OSBPL9: variants seen among roughly 807,000 people sequenced by gnomAD.
OSBPL9 encodes the protein oxysterol-binding protein-related protein 9.
A neutral mutation model predicts 106.6 loss-of-function variants in OSBPL9; 40 were observed. The observed-to-expected ratio is 0.38, with a 90% CI of 0.29 to 0.49. The LOEUF (loss-of-function observed/expected upper bound fraction) is 0.49. OSBPL9 is among the 20% of genes least tolerant of loss of function. OSBPL9 has a pLI of 0.97. For missense variants in OSBPL9, 609 were observed against 887.2 expected, an observed-to-expected ratio of 0.69 and a Z score of 3.98; for synonymous variants, 269 against 295.4, an observed-to-expected ratio of 0.91 and a Z score of 0.92.
intron 10 of OSBPL9, among the ~76,000 whole-genome samples, chr1:51,761,488 G>C (rs918406574): frequency 6.6e-6 from 1 of 152,138 alleles, no homozygotes; most frequent in Non-Finnish European, 1.5e-5. Context: ...TACTTCTTAA[G>C]TGAATTAGCT....
the OSBPL9 span, among the ~76,000 whole-genome samples, chr1:51,541,951 G>A: frequency 6.6e-6 from 1 of 151,878 alleles, no homozygotes; most frequent in South Asian, 2.1e-4. Context: ...GCAGTGGCAC[G>A]ATCTTAGGTC....
chr1:51,601,591 C>A (rs570899325), intron 2 of OSBPL9, among the ~76,000 whole-genome samples: 2 of 152,304 alleles, frequency 1.3e-5, no homozygotes, highest in South Asian at 4.1e-4. Context: ...ATATTCTTCC[C>A]CTCTTCATTC....
chr1:51,603,062 G>C (rs1042988059), intron 2 of OSBPL9, among the ~76,000 whole-genome samples: 1 of 152,098 alleles, frequency 6.6e-6, no homozygotes, highest in Admixed American at 6.6e-5. Context: ...GGTTGAAGTG[G>C]GAGAATCACT....
At chr1:51,783,106 T>G (rs1307453434) in intron 17 of OSBPL9, among the ~76,000 whole-genome samples, 1 of 152,206 alleles carries the variant, frequency 6.6e-6, no homozygotes, top group East Asian at 1.9e-4. Context: ...CTAGATTACT[T>G]ATAATACCTA....
the OSBPL9 span, chr1:51,519,163 G>T: frequency 7.0e-7 from 1 of 1,419,830 alleles, no homozygotes; most frequent in Non-Finnish European, 9.3e-7. Flanking sequence ...GGGGGCACCG[G>T]CCGGCCAAGC....
chr1:51,782,183 A>C (rs1349043016), intron 16 of OSBPL9, among the ~76,000 whole-genome samples: 4 of 152,218 alleles, frequency 2.6e-5, no homozygotes. Context: ...ACCATAGCCC[A>C]CAGCACCTGA....
At chr1:51,720,803 T>A (rs1661975683) in intron 4 of OSBPL9, among the ~76,000 whole-genome samples, 1 of 147,888 alleles carries the variant, frequency 6.8e-6, no homozygotes, top group Non-Finnish European at 1.5e-5. Flanking sequence ...TTTTTTTTTT[T>A]TTTTTTTTTT....
chr1:51,710,362 A>G (rs946501246), intron 3 of OSBPL9, among the ~76,000 whole-genome samples: 44 of 152,206 alleles, frequency 2.9e-4, no homozygotes, highest in African/African-American at 1.0e-3. Flanking sequence ...GCTGCAAAAC[A>G]ATAAAAACAG....
intron 1 of OSBPL9, among the ~76,000 whole-genome samples, chr1:51,639,530 G>C (rs1438305531): frequency 1.3e-5 from 2 of 152,182 alleles, no homozygotes; most frequent in Admixed American, 6.5e-5. Flanking sequence ...TTGGGGTGGT[G>C]GGGACAAGGA....
chr1:51,658,858 T>G (rs1264959961), intron 2 of OSBPL9, among the ~76,000 whole-genome samples: 1 of 152,154 alleles, frequency 6.6e-6, no homozygotes, highest in Admixed American at 6.6e-5. Context: ...ATCAATTGTC[T>G]TGTTATTTCA....
the OSBPL9 span, among the ~76,000 whole-genome samples, chr1:51,564,398 C>A: frequency 6.6e-6 from 1 of 152,168 alleles, no homozygotes; most frequent in African/African-American, 2.4e-5. Flanking sequence ...GGTCCCTCTT[C>A]TTGAAGGCCT....
At chr1:51,669,728 A>C (rs140712209) in intron 3 of OSBPL9, 2 of 653,366 alleles carry the variant, frequency 3.1e-6, no homozygotes, top group East Asian at 6.0e-5. Context: ...ATCTGGCTGC[A>C]GTTGGAGATG....
intron 20 of OSBPL9, chr1:51,785,492 G>T: frequency 3.5e-6 from 1 of 285,606 alleles, no homozygotes; most frequent in Non-Finnish European, 6.5e-6. Flanking sequence ...AATTTCAATG[G>T]TGGTTACGTC....
rs1191259573 is a variant in OSBPL9 at position 51,788,405 on chromosome 1, T to TTTAA, written c.*624_*627dup. ...AATTGTATCTAATCCTGGATTACAG[T>TTTAA]TTAATTAATTATTCTTAGTGCTTAA... On this transcript the variant is annotated 3_prime_UTR_variant, in exon 24 of 24. Coordinates refer to ENST00000428468, the MANE Select transcript of OSBPL9 (RefSeq NM_024586.6). 6.6e-6 allele frequency: 1 copy of TTTAA among 152,612 alleles called. No homozygotes were observed. Among genetic ancestry groups the TTTAA allele is most frequent in the Non-Finnish European group, 1.5e-5 (1 of 68,044 alleles). The allele number at this position is 152,612 out of a possible 1,614,324, so 9.5% of individuals were successfully genotyped here.
chr1:51,718,773 T>TTATA (rs1225807862), intron 4 of OSBPL9, among the ~76,000 whole-genome samples: 7 of 152,238 alleles, frequency 4.6e-5, no homozygotes, highest in African/African-American at 1.4e-4. Flanking sequence ...CAGTATCGAA[T>TTATA]TATAGCCTGT....
At chr1:51,571,702 A>C in the OSBPL9 span, among the ~76,000 whole-genome samples, 1 of 152,122 alleles carries the variant, frequency 6.6e-6, no homozygotes, top group Non-Finnish European at 1.5e-5. Context: ...AAGTATGCTT[A>C]CTTCCCCAAA....
intron 4 of OSBPL9, among the ~76,000 whole-genome samples, chr1:51,741,774 G>C (rs763223631): frequency 2.0e-5 from 3 of 151,890 alleles, no homozygotes; most frequent in Non-Finnish European, 4.4e-5. Context: ...TTACATCACA[G>C]ACCATTTTGT....
intron 3 of OSBPL9, among the ~76,000 whole-genome samples, chr1:51,675,796 A>G (rs1350429935): frequency 1.3e-5 from 2 of 152,240 alleles, no homozygotes; most frequent in African/African-American, 2.4e-5. Flanking sequence ...ACCTTCAAAT[A>G]AAATTTTATC....
chr1:51,647,839 G>C (rs947768416), intron 1 of OSBPL9, among the ~76,000 whole-genome samples: 1 of 152,000 alleles, frequency 6.6e-6, no homozygotes, highest in Admixed American at 6.6e-5. Flanking sequence ...TTTTGGCTAG[G>C]CACAGTGGCT....
Sources: gnomAD v4.1 joint callset for allele counts (sites outside exome capture counted in the v4.1 genomes callset) on GRCh38, gnomAD v4.1.1 for gene constraint, MANE v1.5 for transcripts, NCBI Gene and HGNC (gene_info 2026-07-23, HGNC 2026-07-21) for gene names.